NKAIN3: variants seen among roughly 807,000 people sequenced by gnomAD.
NKAIN3 encodes the protein sodium/potassium-transporting ATPase subunit beta-1-interacting protein 3.
A neutral mutation model predicts 30.2 loss-of-function variants in NKAIN3; 25 were observed. The observed-to-expected ratio is 0.83, with a 90% CI of 0.60 to 1.16. The LOEUF (loss-of-function observed/expected upper bound fraction) is 1.16. Among genes scored for constraint, NKAIN3 ranks in the 50% most tolerant of loss-of-function variants. The pLI is 0.00. For missense variants in NKAIN3, 225 were observed against 254.1 expected (o/e 0.89, Z 0.78); for synonymous variants, 91 against 89.6 (o/e 1.02, Z -0.09).
At chr8:62,533,785 A>T (rs183808966) in intron 1 of NKAIN3, among the ~76,000 whole-genome samples, 4 of 152,340 alleles carry the variant, frequency 2.6e-5, no homozygotes, top group South Asian at 2.1e-4. Flanking sequence ...CTGAATTTTT[A>T]AAATGTTTTT....
At chr8:62,467,240 C>T (rs1177876632) in intron 1 of NKAIN3, among the ~76,000 whole-genome samples, 1 of 152,198 alleles carries the variant, frequency 6.6e-6, no homozygotes, top group Admixed American at 6.5e-5. Context: ...CTGGTTAGTG[C>T]TTTCCTCATA....
intron 3 of NKAIN3, among the ~76,000 whole-genome samples, chr8:62,670,692 G>T (rs975083468): frequency 2.0e-5 from 3 of 152,090 alleles, no homozygotes; most frequent in African/African-American, 7.2e-5. Flanking sequence ...AAGAGACCAG[G>T]TTCTTTCCTT....
In NKAIN3 at chr8:62,836,296, C is replaced by T. The variant is rs551004699; in HGVS notation, c.472-82157C>T. ...TCATGAAATATACTCATTCAACAAACCTGCACATATACCGCCTCAATCTTA... is the reference window on the plus strand; with the variant it reads ...TCATGAAATATACTCATTCAACAAATCTGCACATATACCGCCTCAATCTTA... On this transcript the variant is annotated intron_variant, in intron 4 of 6. Transcript: ENST00000623646. Among the ~76,000 whole-genome samples the T allele has an allele frequency of 8.5e-5, 13 of 152,082 alleles. No homozygotes were observed. In the South Asian group the frequency reaches 2.7e-3, roughly 32 times the overall value.
At chr8:62,870,663 A>C (rs866459771) in intron 4 of NKAIN3, among the ~76,000 whole-genome samples, 8 of 138,520 alleles carry the variant, frequency 5.8e-5, no homozygotes, top group South Asian at 2.2e-4. Flanking sequence ...ATCTAGATAT[A>C]TATAGATATC....
chr8:62,625,023 G>T (rs1194526517), intron 3 of NKAIN3, among the ~76,000 whole-genome samples: 1 of 151,644 alleles, frequency 6.6e-6, no homozygotes, highest in Non-Finnish European at 1.5e-5. Context: ...CTTCCATTAA[G>T]CCCTTAGCAT....
chr8:62,569,390 A>T lies in NKAIN3; in HGVS notation c.55-10149A>T, dbSNP rs147941259. Among the ~76,000 whole-genome samples, 32 of 152,310 alleles carry T rather than the reference A, an allele frequency of 2.1e-4. No homozygotes were observed. In the East Asian group the frequency reaches 5.6e-3, roughly 27 times the overall value. On this transcript the variant is annotated intron_variant, in intron 1 of 6. Transcript: ENST00000623646. ...TTGGGCTTCATCAACCTCAAGCATG[A>T]AAAGTCCCTTGGGAGTTGAATAGAT...
chr8:62,534,362 A>T (rs1808583370), intron 1 of NKAIN3, among the ~76,000 whole-genome samples: 1 of 152,146 alleles, frequency 6.6e-6, no homozygotes, highest in Non-Finnish European at 1.5e-5. Flanking sequence ...AGTACAGGTC[A>T]CCCGCTGAGC....
intron 4 of NKAIN3, among the ~76,000 whole-genome samples, chr8:62,800,844 G>A (rs1818033859): frequency 6.6e-6 from 1 of 152,222 alleles, no homozygotes; most frequent in Admixed American, 6.5e-5. Context: ...CAAGGGGTCA[G>A]GGAGTTCCCT....
intron 1 of NKAIN3, among the ~76,000 whole-genome samples, chr8:62,403,085 G>A (rs570477146): frequency 3.9e-5 from 6 of 152,290 alleles, no homozygotes; most frequent in South Asian, 4.1e-4. Flanking sequence ...AACTTGTTGC[G>A]AACTGGAGTA....
chr8:62,724,516 C>G (rs1815194877), intron 3 of NKAIN3, among the ~76,000 whole-genome samples: 1 of 152,042 alleles, frequency 6.6e-6, no homozygotes, highest in East Asian at 1.9e-4. Context: ...CATTTACCAT[C>G]CCCACTACAC....
intron 3 of NKAIN3, among the ~76,000 whole-genome samples, chr8:62,637,290 G>A (rs539580779): frequency 1.4e-4 from 22 of 152,256 alleles, no homozygotes; most frequent in Admixed American, 3.3e-4. Context: ...CAAGCAAGCC[G>A]TGGAGGAAAC....
At chr8:62,836,827 G>A (rs1277196556) in intron 4 of NKAIN3, among the ~76,000 whole-genome samples, 1 of 152,100 alleles carries the variant, frequency 6.6e-6, no homozygotes, top group Non-Finnish European at 1.5e-5. Context: ...GGACTTACAA[G>A]AACTTAAGCA....
chr8:62,695,951 AT>A lies in NKAIN3; in HGVS notation c.274-50974del, dbSNP rs922177252. 1.8e-4 allele frequency among the ~76,000 whole-genome samples: 28 copies of A among 152,272 alleles called. 1 individual carries two copies. Among genetic ancestry groups the A allele is most frequent in the Middle Eastern group, 6.8e-3 (2 of 294 alleles). ...AAAATGAATGGTCCCAAATGAAGGA[AT>A]TTTTTTAAAGAAACACATATTTTAT... On this transcript the variant is annotated intron_variant, in intron 3 of 6. Coordinates refer to ENST00000623646, the MANE Select transcript of NKAIN3 (RefSeq NM_001304533.3).
intron 1 of NKAIN3, among the ~76,000 whole-genome samples, chr8:62,576,429 C>T (rs1242066351): frequency 1.3e-5 from 2 of 151,986 alleles, no homozygotes; most frequent in African/African-American, 4.8e-5. Context: ...ATTCTCTTCG[C>T]TTGGGCATCT....
intron 3 of NKAIN3, among the ~76,000 whole-genome samples, chr8:62,650,545 C>T (rs1398355720): frequency 2.0e-5 from 3 of 152,204 alleles, no homozygotes; most frequent in African/African-American, 2.4e-5. Flanking sequence ...CTATTCTTCT[C>T]GATTGTACAT....
chr8:62,518,310 A>C (rs2129771528), intron 1 of NKAIN3, among the ~76,000 whole-genome samples: 1 of 152,302 alleles, frequency 6.6e-6, no homozygotes, highest in South Asian at 2.1e-4. Context: ...CAGTGAGCTA[A>C]GATTGCGCCA....
intron 4 of NKAIN3, among the ~76,000 whole-genome samples, chr8:62,905,702 C>A (rs936074301): frequency 6.6e-6 from 1 of 152,092 alleles, no homozygotes; most frequent in Admixed American, 6.5e-5. Context: ...TGTTCTTAAC[C>A]AATCAGAGAC....
chr8:62,779,293 G>T (rs116623877), intron 4 of NKAIN3, among the ~76,000 whole-genome samples: 3 of 152,042 alleles, frequency 2.0e-5, no homozygotes, highest in Non-Finnish European at 4.4e-5. Flanking sequence ...GCCCAGGAGC[G>T]CAGTCCTTAT....
chr8:62,579,651 A>G lies in NKAIN3; in HGVS notation c.167A>G (p.Gln56Arg). The G allele has an allele frequency of 3.8e-6, 6 of 1,567,116 alleles. No homozygotes were observed. The highest frequency in any genetic ancestry group is 5.2e-6 in the Non-Finnish European group (6 of 1,155,192). ...ATATTGGGTTTGTTTGGGACCATTC[A>G]GTACAGACCTCGATACATAATGGTG... ...VVILGLFGTI[Q>R]YRPRYIMVYT... Residue 56 changes from glutamine to arginine, a missense_variant, in exon 2 of 7, where the codon CAG (glutamine) becomes CGG (arginine). By Grantham distance (43) the Gln-to-Arg change is conservative (BLOSUM62 1). Coordinates refer to ENST00000623646, the MANE Select transcript of NKAIN3 (RefSeq NM_001304533.3).
Sources: allele counts gnomAD v4.1 joint callset (sites outside exome capture counted in the v4.1 genomes callset), GRCh38; gene constraint gnomAD v4.1.1; transcripts MANE v1.5; gene names NCBI Gene and HGNC (gene_info 2026-07-23, HGNC 2026-07-21).